Variants in DUSP16 observed in about 807,000 individuals in gnomAD.
The protein encoded by DUSP16 is dual specificity protein phosphatase 16.
DUSP16 carries 21 observed loss-of-function variants against 58.3 expected under a neutral mutation model. The ratio of observed to expected loss-of-function variants is 0.36; its 90% CI spans 0.26 to 0.52. The LOEUF (loss-of-function observed/expected upper bound fraction) is 0.52, where lower values mean the gene tolerates loss of function less well. Ranked by LOEUF, DUSP16 falls within the 20% of genes least tolerant of loss-of-function variation. The pLI, the probability that DUSP16 is intolerant of heterozygous loss-of-function variation, is 0.94. For missense variants in DUSP16, 726 were observed against 819.0 expected, an observed-to-expected ratio of 0.89 and a Z score of 1.39; for synonymous variants, 320 against 323.8, an observed-to-expected ratio of 0.99 and a Z score of 0.12.
At chr12:12,485,749 G>A (rs1943670212) in intron 5 of DUSP16, among the ~76,000 whole-genome samples, 1 of 151,320 alleles carries the variant, frequency 6.6e-6, no homozygotes, top group African/African-American at 2.4e-5. Flanking sequence ...TAAAGTGCTG[G>A]GATTAAGGCA....
intron 5 of DUSP16, among the ~76,000 whole-genome samples, chr12:12,481,409 G>C (rs919461411): frequency 6.6e-6 from 1 of 152,168 alleles, no homozygotes; most frequent in Non-Finnish European, 1.5e-5. Context: ...TGTGTGCTCA[G>C]TCATGAAGCT....
Position 12,476,741 on chromosome 12 carries a change from T to G in DUSP16, c.*92A>C. 1 of 1,222,626 alleles carries G rather than the reference T, an allele frequency of 8.2e-7. No homozygotes were observed. The highest frequency in any genetic ancestry group is 1.1e-6 in the Non-Finnish European group (1 of 885,040). The allele number at this position is 1,222,626 out of a possible 1,614,324, so 75.7% of individuals were successfully genotyped here. On this transcript the variant is annotated 3_prime_UTR_variant, in exon 7 of 7. Transcript: ENST00000298573. The stretch of plus-strand genomic sequence containing the variant: ...TAGCTCCATTTTCCAAAAATATATA[T>G]GTATGTACATATATATATTTCAGAT...
At chr12:12,502,679 G>A (rs1335461236) in intron 3 of DUSP16, among the ~76,000 whole-genome samples, 1 of 151,564 alleles carries the variant, frequency 6.6e-6, no homozygotes, top group African/African-American at 2.4e-5. Flanking sequence ...AGCTTCCTGA[G>A]TAGCTGGGAC....
intron 3 of DUSP16, among the ~76,000 whole-genome samples, chr12:12,519,434 C>T (rs1355929697): frequency 6.6e-6 from 1 of 152,138 alleles, no homozygotes; most frequent in Non-Finnish European, 1.5e-5. Context: ...CTCTGGAGTC[C>T]GCTCCAACTA....
intron 1 of DUSP16, among the ~76,000 whole-genome samples, chr12:12,523,132 T>C (rs1358352503): frequency 6.6e-6 from 1 of 152,242 alleles, no homozygotes; most frequent in African/African-American, 2.4e-5. Context: ...TAAAGAGATG[T>C]AGCTTTGCCA....
intron 3 of DUSP16, among the ~76,000 whole-genome samples, chr12:12,501,643 A>G (rs181121599): frequency 6.6e-6 from 1 of 152,300 alleles, no homozygotes; most frequent in Admixed American, 6.5e-5. Flanking sequence ...GCTATTCACT[A>G]AGTCCGAATC....
chr12:12,490,161 T>A (rs2136201001), intron 4 of DUSP16, among the ~76,000 whole-genome samples: 1 of 152,322 alleles, frequency 6.6e-6, no homozygotes, highest in South Asian at 2.1e-4. Context: ...CAAGCGATCC[T>A]CCTACCTTGG....
At chr12:12,511,114 A>C (rs1318194205) in intron 3 of DUSP16, among the ~76,000 whole-genome samples, 1 of 152,234 alleles carries the variant, frequency 6.6e-6, no homozygotes, top group Non-Finnish European at 1.5e-5. Context: ...ACACAAAATA[A>C]AAATGTAACT....
At chr12:12,497,919 G>A (rs776789659) in intron 4 of DUSP16, among the ~76,000 whole-genome samples, 3 of 152,046 alleles carry the variant, frequency 2.0e-5, no homozygotes, top group Non-Finnish European at 2.9e-5. Flanking sequence ...GCAGTGAGCC[G>A]AGATCATGCC....
intron 1 of DUSP16, among the ~76,000 whole-genome samples, chr12:12,560,120 C>A (rs1944874698): frequency 6.6e-6 from 1 of 152,096 alleles, no homozygotes; most frequent in African/African-American, 2.4e-5. Context: ...CTGGATAATT[C>A]TGCAGTTCTG....
intron 1 of DUSP16, among the ~76,000 whole-genome samples, chr12:12,551,443 A>G (rs2136267568): frequency 6.8e-6 from 1 of 146,716 alleles, no homozygotes; most frequent in East Asian, 2.1e-4. Flanking sequence ...AGCCTGGGCG[A>G]CAGAGGGAGA....
intron 4 of DUSP16, among the ~76,000 whole-genome samples, chr12:12,498,264 T>A (rs908385164): frequency 3.3e-5 from 5 of 152,140 alleles, no homozygotes; most frequent in Non-Finnish European, 5.9e-5. Context: ...TCATGTAACA[T>A]TTTTGGAATA....
intron 3 of DUSP16, among the ~76,000 whole-genome samples, chr12:12,513,608 C>T (rs1223135664): frequency 6.6e-6 from 1 of 152,166 alleles, no homozygotes; most frequent in African/African-American, 2.4e-5. Context: ...ATGGTTTTCT[C>T]CCGCAATCGC....
intron 3 of DUSP16, among the ~76,000 whole-genome samples, chr12:12,519,205 C>T (rs919911491): frequency 1.3e-5 from 2 of 152,186 alleles, no homozygotes; most frequent in Non-Finnish European, 2.9e-5. Context: ...TGCCGTCCTC[C>T]AGGAGAGATA....
intron 1 of DUSP16, among the ~76,000 whole-genome samples, chr12:12,551,263 A>C (rs1005986731): frequency 5.3e-5 from 8 of 152,134 alleles, no homozygotes; most frequent in Middle Eastern, 3.4e-3. Flanking sequence ...GCACCTCGGG[A>C]AGCCTAGGCA....
At chr12:12,557,405 C>T (rs1233584138) in intron 1 of DUSP16, among the ~76,000 whole-genome samples, 2 of 148,824 alleles carry the variant, frequency 1.3e-5, no homozygotes, top group Non-Finnish European at 3.0e-5. Context: ...TGCAGAAAGC[C>T]GAGATGGCGC....
chr12:12,560,898 C>T (rs1408036369), intron 1 of DUSP16: 2 of 138,608 alleles, frequency 1.4e-5, no homozygotes, highest in Non-Finnish European at 3.3e-5. Flanking sequence ...TTCTGACAGT[C>T]TCAGTTCCCC....
intron 1 of DUSP16, among the ~76,000 whole-genome samples, chr12:12,548,483 T>C (rs1401873921): frequency 6.6e-6 from 1 of 151,538 alleles, no homozygotes. Flanking sequence ...TATACAAAAA[T>C]TAGCTGGGCC....
chr12:12,545,877 T>C (rs757572436), intron 1 of DUSP16, among the ~76,000 whole-genome samples: 4 of 152,198 alleles, frequency 2.6e-5, no homozygotes, highest in African/African-American at 4.8e-5. Flanking sequence ...CTGGCAAATC[T>C]TTCCCCACCA....
Sources: gnomAD v4.1 joint callset for allele counts (sites outside exome capture counted in the v4.1 genomes callset) on GRCh38, gnomAD v4.1.1 for gene constraint, MANE v1.5 for transcripts, NCBI Gene and HGNC (gene_info 2026-07-23, HGNC 2026-07-21) for gene names.